The following KANK1 variants were observed in gnomAD, a reference collection of about 807,000 sequenced individuals.
The protein encoded by KANK1 is KN motif and ankyrin repeat domain-containing protein 1.
KANK1 carries 109 observed loss-of-function variants against 106.2 expected under a neutral mutation model. The ratio of observed to expected loss-of-function variants is 1.03; its 90% CI spans 0.88 to 1.20. The LOEUF (loss-of-function observed/expected upper bound fraction) is 1.20. Among genes scored for constraint, KANK1 ranks in the 50% most tolerant of loss-of-function variants. The pLI is 0.00. For missense variants in KANK1, 2,399 were observed against 1,710.7 expected (o/e 1.40, Z -7.10); for synonymous variants, 873 against 652.2 (o/e 1.34, Z -5.16).
chr9:549,176 TCTTC>T (rs2061118746), intron 1 of KANK1: 1 of 152,156 alleles, frequency 6.6e-6, no homozygotes. Flanking sequence ...TCTTCCTCAC[TCTTC>T]CTTTGACAGT....
At chr9:523,468 C>A (rs565949147) in intron 1 of KANK1, among the ~76,000 whole-genome samples, 3 of 151,970 alleles carry the variant, frequency 2.0e-5, no homozygotes, top group South Asian at 4.1e-4. Context: ...CCATTCTCAA[C>A]AGCCATCTTT....
intron 1 of KANK1, among the ~76,000 whole-genome samples, chr9:551,580 G>A (rs747293071): frequency 2.6e-5 from 4 of 152,146 alleles, no homozygotes; most frequent in Non-Finnish European, 5.9e-5. Flanking sequence ...CTGGGACAAT[G>A]GTGAGGACCG....
intron 1 of KANK1, among the ~76,000 whole-genome samples, chr9:510,502 C>G (rs1038868156): frequency 3.2e-4 from 49 of 152,216 alleles, no homozygotes; most frequent in African/African-American, 1.2e-3. Context: ...GAGCTGCTTC[C>G]CCCAAAAGTA....
At position 745,357 on chromosome 9, in the gene KANK1, G is replaced by A. The variant is rs1432895137; in HGVS notation, c.*122G>A. ...GCTCACCAGCAAACAGAAGCATCAA[G>A]CCCAGGGGTAAAGGCTGAAGCTTTC... is the stretch of plus-strand genomic sequence containing the variant. On this transcript the variant is annotated 3_prime_UTR_variant, in exon 12 of 12. Coordinates refer to ENST00000382297, the MANE Select transcript of KANK1 (RefSeq NM_015158.5). The A allele has an allele frequency of 3.1e-6, 4 of 1,276,484 alleles. No individual in the cohort carries two copies. The highest frequency in any genetic ancestry group is 1.3e-5 in the South Asian group (1 of 79,690). 79.1% of individuals were successfully genotyped at this position (1,276,484 alleles called of 1,614,324 possible). A position where few individuals can be genotyped will look rare whatever the true frequency, so the allele number is the denominator to read the frequency against.
rs148630693 is a variant in KANK1, at chr9:577,450, C to T, written c.-84+72696C>T. Among the ~76,000 whole-genome samples, 1,203 of 152,116 alleles carry T rather than the reference C, an allele frequency of 7.9e-3. 16 individuals carry two copies. The highest frequency in any genetic ancestry group is 0.027 in the African/African-American group (1,110 of 41,420). ...TGCGTTTTTACAGAGTGCTGATTGG[C>T]GCGCTTACAAACCTTTAGCTAGACA... On this transcript the variant is annotated intron_variant, in intron 1 of 11. Transcript: ENST00000382297.
chr9:737,158 C>T (rs939417843), intron 7 of KANK1, among the ~76,000 whole-genome samples: 22 of 151,998 alleles, frequency 1.4e-4, no homozygotes, highest in African/African-American at 5.1e-4. Flanking sequence ...TTAGAATGAC[C>T]AGAAGACATA....
intron 1 of KANK1, among the ~76,000 whole-genome samples, chr9:606,126 G>A (rs933697179): frequency 3.6e-5 from 5 of 138,310 alleles, no homozygotes; most frequent in Non-Finnish European, 7.7e-5. Context: ...ATATAGCATT[G>A]AATTACACAT....
chr9:713,510 A>T, intron 3 of KANK1, 46 bp downstream of exon 3: 2 of 1,510,120 alleles, frequency 1.3e-6, no homozygotes, highest in South Asian at 2.7e-5. Context: ...GATGGGGGAA[A>T]ATGTCTTTCC....
chr9:731,390 CAGAA>C, intron 5 of KANK1, 124 bp downstream of exon 5: 2 of 556,324 alleles, frequency 3.6e-6, no homozygotes, highest in Non-Finnish European at 6.5e-6. Flanking sequence ...ATTCCCTCCT[CAGAA>C]AGGCAGAAAG....
At chr9:626,047 T>C (rs535516143) in intron 1 of KANK1, among the ~76,000 whole-genome samples, 6 of 152,248 alleles carry the variant, frequency 3.9e-5, no homozygotes, top group Non-Finnish European at 5.9e-5. Context: ...TTTTCTGACC[T>C]CAAGAGTCAG....
intron 1 of KANK1, among the ~76,000 whole-genome samples, chr9:555,476 G>A (rs2061527872): frequency 1.3e-5 from 2 of 152,324 alleles, no homozygotes; most frequent in South Asian, 4.1e-4. Flanking sequence ...TCAAATGAGT[G>A]AACATAAATC....
At position 732,616 on chromosome 9, in the gene KANK1, A is replaced by C; in HGVS notation, c.3244A>C (p.Arg1082=). Residue 1082 remains arginine (R), a splice_region_variant and synonymous_variant, in exon 6 of 12, where the codon AGG becomes CGG. Transcript: ENST00000382297. ...ACCTGAGAAGGTGGAAATCAGAGAG[A>C]GGTGTGGTACATTCCCCTTCCCTCC... The part of the protein sequence containing the change: ...CEPEKVEIRE[R]YELSEKMLSA... 2 of 1,613,828 alleles carry C rather than the reference A, an allele frequency of 1.2e-6. No homozygotes were observed. Among genetic ancestry groups the C allele is most frequent in the Non-Finnish European group, 8.5e-7 (1 of 1,179,812 alleles).
At chr9:703,719 CT>C (rs200369981) in intron 2 of KANK1, among the ~76,000 whole-genome samples, 15 of 148,182 alleles carry the variant, frequency 1.0e-4, no homozygotes, top group South Asian at 4.3e-4. Flanking sequence ...TTAAACTGCT[CT>C]TTTTTTTTTG....
chr9:476,504 G>C (rs1371279593), intron 3 of KANK1: 1 of 151,978 alleles, frequency 6.6e-6, no homozygotes, highest in Non-Finnish European at 1.5e-5. Context: ...CTGGGCAATG[G>C]AACAAAAGAC....
intron 3 of KANK1, among the ~76,000 whole-genome samples, chr9:498,948 AG>A (rs2058502238): frequency 6.6e-6 from 1 of 152,016 alleles, no homozygotes; most frequent in African/African-American, 2.4e-5. Context: ...GAGGCCGAGG[AG>A]GGTGGATCAC....
intron 1 of KANK1, among the ~76,000 whole-genome samples, chr9:530,470 C>A (rs546214085): frequency 6.6e-6 from 1 of 152,030 alleles, no homozygotes; most frequent in South Asian, 2.1e-4. Context: ...ATTAATAGTC[C>A]ATTTTCCCTC....
At position 713,106 on chromosome 9, in the gene KANK1, T is replaced by G; in HGVS notation, c.2340T>G (p.Ala780=). The G allele has an allele frequency of 6.2e-7, 1 of 1,609,202 alleles. No individual in the cohort carries two copies. The highest frequency in any genetic ancestry group is 8.5e-7 in the Non-Finnish European group (1 of 1,176,508). ...TTGGTCTCAAAATGAGGACTATAGC[T>G]TGTGGGCCACCACAGTTGACTGTGG... ...YLVGLKMRTI[A]CGPPQLTVGL... Residue 780 remains alanine (A), a synonymous_variant, in exon 3 of 12, where the codon GCT becomes GCG. Coordinates refer to ENST00000382297, the MANE Select transcript of KANK1 (RefSeq NM_015158.5).
chr9:633,161 A>G (rs550120242), intron 1 of KANK1, among the ~76,000 whole-genome samples: 49 of 152,148 alleles, frequency 3.2e-4, no homozygotes, highest in Non-Finnish European at 6.3e-4. Context: ...GACTATTGAT[A>G]AGAACCCAAC....
intron 1 of KANK1, among the ~76,000 whole-genome samples, chr9:607,870 A>G (rs1829617943): frequency 6.6e-6 from 1 of 151,164 alleles, no homozygotes; most frequent in Non-Finnish European, 1.5e-5. Flanking sequence ...CACCTTAGCA[A>G]CCTCCTTTCA....
Sources: gnomAD v4.1 joint callset for allele counts (sites outside exome capture counted in the v4.1 genomes callset) on GRCh38, gnomAD v4.1.1 for gene constraint, MANE v1.5 for transcripts, NCBI Gene and HGNC (gene_info 2026-07-23, HGNC 2026-07-21) for gene names.